Variants in TFDP2 observed in about 807,000 individuals in gnomAD.
TFDP2 encodes the protein transcription factor Dp-2.
In TFDP2, 17 loss-of-function variants were observed where a neutral mutation model predicts 59.3. The observed-to-expected ratio is 0.29, with a 90% CI of 0.20 to 0.43. The LOEUF is 0.43. Ranked by LOEUF, TFDP2 falls within the 20% of genes least tolerant of loss-of-function variation. The pLI is 1.00. For missense variants in TFDP2, 391 were observed against 528.8 expected, an observed-to-expected ratio of 0.74 and a Z score of 2.56; for synonymous variants, 180 against 194.7, an observed-to-expected ratio of 0.92 and a Z score of 0.63.
intron 9 of TFDP2, among the ~76,000 whole-genome samples, chr3:141,966,199 G>C (rs771224725): frequency 6.6e-6 from 1 of 151,884 alleles, no homozygotes; most frequent in African/African-American, 2.4e-5. Context: ...TTGAGACGGA[G>C]TCTCACTCTG....
chr3:142,054,701 T>C (rs1050801763), intron 3 of TFDP2, among the ~76,000 whole-genome samples: 2 of 151,962 alleles, frequency 1.3e-5, no homozygotes, highest in African/African-American at 4.9e-5. Flanking sequence ...GATTTGTGAT[T>C]TGTCAACATA....
At chr3:142,003,103 A>G (rs1320174413) in intron 4 of TFDP2, among the ~76,000 whole-genome samples, 2 of 151,916 alleles carry the variant, frequency 1.3e-5, no homozygotes, top group Non-Finnish European at 2.9e-5. Context: ...CCCGGGTTCA[A>G]GCAATTCTCC....
chr3:142,015,241 C>A (rs1467301600), intron 3 of TFDP2, among the ~76,000 whole-genome samples: 1 of 152,216 alleles, frequency 6.6e-6, no homozygotes, highest in Non-Finnish European at 1.5e-5. Flanking sequence ...CCATCTAAGT[C>A]TCCTGGCTTT....
In TFDP2 at chr3:142,143,764, G is replaced by C. The variant is rs115834495; in HGVS notation, c.-93+5419C>G. Among the ~76,000 whole-genome samples, 737 of 152,232 alleles carry C rather than the reference G, an allele frequency of 4.8e-3. 6 individuals carry two copies. The highest frequency in any genetic ancestry group is 0.017 in the African/African-American group (702 of 41,534). ...AGACAGACAGTAACAAATACTGGTG[G>C]GGATGTGCAGAGAAGGGAACCTTCT... On this transcript the variant is annotated intron_variant, in intron 1 of 12. Coordinates refer to ENST00000489671, the MANE Select transcript of TFDP2 (RefSeq NM_001178139.2).
intron 1 of TFDP2, among the ~76,000 whole-genome samples, chr3:142,148,641 C>G (rs752397323): frequency 6.6e-6 from 1 of 152,174 alleles, no homozygotes; most frequent in African/African-American, 2.4e-5. Flanking sequence ...CCTAGGAAAA[C>G]CCTTACACTT....
At chr3:142,115,287 CT>C (rs2061811562) in intron 1 of TFDP2, among the ~76,000 whole-genome samples, 1 of 151,176 alleles carries the variant, frequency 6.6e-6, no homozygotes, top group Non-Finnish European at 1.5e-5. Context: ...GGTAAATATC[CT>C]TGCACAGAGC....
Position 142,149,461 on chromosome 3 carries a change from T to G in TFDP2, c.-371A>C. On this transcript the variant is annotated 5_prime_UTR_variant, in exon 1 of 13. Transcript: ENST00000489671. ...GCGGCAGCGCCGCAGCCGAGATCGC[T>G]ACCGATTTCGTCCGCCCTCTCCCTG... The G allele has an allele frequency of 2.7e-6, 1 of 366,004 alleles. No homozygotes were observed. The highest frequency in any genetic ancestry group is 4.9e-6 in the Non-Finnish European group (1 of 205,784). 22.7% of individuals were successfully genotyped at this position (366,004 alleles called of 1,614,324 possible). A position where few individuals can be genotyped will look rare whatever the true frequency, so the allele number is the denominator to read the frequency against.
chr3:142,029,951 G>A (rs1475114163), intron 3 of TFDP2, among the ~76,000 whole-genome samples: 2 of 152,042 alleles, frequency 1.3e-5, no homozygotes, highest in East Asian at 1.9e-4. Flanking sequence ...CTTTTCCTTC[G>A]TTGACTAGTT....
chr3:142,079,164 G>A (rs1265965774), intron 3 of TFDP2, among the ~76,000 whole-genome samples: 2 of 151,972 alleles, frequency 1.3e-5, no homozygotes, highest in Admixed American at 1.3e-4. Context: ...TTAGCTGGGT[G>A]TGCTGGCGGG....
At chr3:142,074,439 G>A (rs926578208) in intron 3 of TFDP2, among the ~76,000 whole-genome samples, 2 of 152,078 alleles carry the variant, frequency 1.3e-5, no homozygotes, top group African/African-American at 4.8e-5. Context: ...TATGCTGGGT[G>A]CAGTGGCTCA....
chr3:142,111,648 T>C (rs897628503), intron 1 of TFDP2, among the ~76,000 whole-genome samples: 7 of 152,056 alleles, frequency 4.6e-5, no homozygotes, highest in African/African-American at 1.4e-4. Flanking sequence ...GAAAAGCATG[T>C]GGGAGGTTCC....
chr3:142,069,121 G>A (rs952114325), intron 3 of TFDP2, among the ~76,000 whole-genome samples: 1 of 151,876 alleles, frequency 6.6e-6, no homozygotes, highest in African/African-American at 2.4e-5. Context: ...TCATCATGTT[G>A]GCCAGGCTGG....
chr3:142,027,961 C>G (rs892715044), intron 3 of TFDP2, among the ~76,000 whole-genome samples: 2 of 152,126 alleles, frequency 1.3e-5, no homozygotes, highest in Admixed American at 1.3e-4. Context: ...GCACCGGCCC[C>G]TTTATGAGCA....
intron 1 of TFDP2, among the ~76,000 whole-genome samples, chr3:142,124,627 T>G (rs775760004): frequency 1.3e-5 from 2 of 152,202 alleles, no homozygotes; most frequent in Non-Finnish European, 2.9e-5. Context: ...GGAAGTTAAA[T>G]TTTTTAATTT....
chr3:141,988,049 G>A (rs986627543), intron 6 of TFDP2, among the ~76,000 whole-genome samples: 9 of 152,062 alleles, frequency 5.9e-5, no homozygotes, highest in African/African-American at 1.4e-4. Context: ...TATACTCAGC[G>A]ATCCTCCTGC....
intron 3 of TFDP2, among the ~76,000 whole-genome samples, chr3:142,060,781 T>C (rs910813252): frequency 6.6e-6 from 1 of 152,152 alleles, no homozygotes; most frequent in Non-Finnish European, 1.5e-5. Context: ...GTTAAGAATA[T>C]TTCAAAGATT....
At chr3:142,109,514 G>A (rs1448466029) in intron 1 of TFDP2, among the ~76,000 whole-genome samples, 1 of 152,144 alleles carries the variant, frequency 6.6e-6, no homozygotes, top group Admixed American at 6.5e-5. Flanking sequence ...TTTTAGTAGA[G>A]ATGGTGTTTC....
At chr3:142,123,321 A>G (rs1179971556) in intron 1 of TFDP2, among the ~76,000 whole-genome samples, 3 of 151,938 alleles carry the variant, frequency 2.0e-5, no homozygotes, top group Non-Finnish European at 4.4e-5. Context: ...TTTTTAGTAG[A>G]GACGGGGTTT....
At position 142,121,064 on chromosome 3, in the gene TFDP2, G is replaced by T. The variant is rs996525296; in HGVS notation, c.-92-19223C>A. Among the ~76,000 whole-genome samples the T allele has an allele frequency of 3.3e-5, 5 of 152,118 alleles. No homozygotes were observed. Among genetic ancestry groups the T allele is most frequent in the African/African-American group, 7.2e-5 (3 of 41,518 alleles). ...GAGACAGCAATAGTTTATGATGACAGAGAAAAGAACTAGACGTGTGTGTGC... is the reference window on the plus strand; with the variant it reads ...GAGACAGCAATAGTTTATGATGACATAGAAAAGAACTAGACGTGTGTGTGC... On this transcript the variant is annotated intron_variant, in intron 1 of 12. Coordinates refer to ENST00000489671, the MANE Select transcript of TFDP2 (RefSeq NM_001178139.2). This position sits in a 1 kb window ranked among gnomAD's most constrained non-coding sequence, Gnocchi z 4.3.
Sources: gnomAD v4.1 joint callset for allele counts (sites outside exome capture counted in the v4.1 genomes callset) on GRCh38, gnomAD v4.1.1 for gene constraint, Gnocchi (gnomAD v3.1) non-coding constraint, MANE v1.5 for transcripts, NCBI Gene and HGNC (gene_info 2026-07-23, HGNC 2026-07-21) for gene names.